RNGTT: variants seen among roughly 807,000 people sequenced by gnomAD.
The protein encoded by RNGTT is RNA guanylyltransferase and 5'-phosphatase.
Under a neutral mutation model 79.3 loss-of-function variants are expected in RNGTT, and 33 were observed. The observed-to-expected ratio is 0.42, with a 90% CI of 0.32 to 0.56. RNGTT has a LOEUF of 0.56. Ranked by LOEUF, RNGTT falls within the 20% of genes least tolerant of loss-of-function variation. The pLI is 0.17. For missense variants in RNGTT, 497 were observed against 739.1 expected (o/e 0.67, Z 3.80); for synonymous variants, 222 against 235.9 (o/e 0.94, Z 0.54).
intron 14 of RNGTT, among the ~76,000 whole-genome samples, chr6:88,620,513 C>G (rs529551798): frequency 6.6e-6 from 1 of 152,152 alleles, no homozygotes; most frequent in Admixed American, 6.5e-5. Context: ...TCCAAACTTT[C>G]AACATATGCA....
chr6:88,928,349 T>G (rs1030374888), intron 4 of RNGTT, among the ~76,000 whole-genome samples: 1 of 152,232 alleles, frequency 6.6e-6, no homozygotes. Context: ...AAAGTCATTT[T>G]CAGTAACTGC....
intron 8 of RNGTT, among the ~76,000 whole-genome samples, chr6:88,878,076 G>GTTTGTTTA (rs569605528): frequency 6.6e-5 from 10 of 150,470 alleles, no homozygotes; most frequent in Middle Eastern, 3.2e-3. Flanking sequence ...AATTTCATTT[G>GTTTGTTTA]TTTATTTATT....
At chr6:88,930,083 T>TGTATATGCATATGTATAC (rs1784461150) in intron 2 of RNGTT, among the ~76,000 whole-genome samples, 1 of 143,658 alleles carries the variant, frequency 7.0e-6, no homozygotes, top group Non-Finnish European at 1.5e-5. Flanking sequence ...TACATATACA[T>TGTATATGCATATGTATAC]ATATACATAT....
At chr6:88,645,956 G>A (rs370978718) in intron 14 of RNGTT, among the ~76,000 whole-genome samples, 2 of 152,156 alleles carry the variant, frequency 1.3e-5, no homozygotes, top group Admixed American at 6.5e-5. Context: ...AGGACTTCAC[G>A]TCTAAAACAC....
chr6:88,829,475 C>T (rs1780780631), intron 11 of RNGTT, among the ~76,000 whole-genome samples: 1 of 151,954 alleles, frequency 6.6e-6, no homozygotes, highest in Non-Finnish European at 1.5e-5. Flanking sequence ...AACTAATGGG[C>T]AAAATAACCA....
intron 13 of RNGTT, among the ~76,000 whole-genome samples, chr6:88,757,451 CTT>C (rs1778058900): frequency 6.6e-6 from 1 of 152,042 alleles, no homozygotes; most frequent in Admixed American, 6.5e-5. Context: ...GCAAAGCAAA[CTT>C]AATTATAATG....
At chr6:88,702,273 G>T (rs563364540) in intron 13 of RNGTT, among the ~76,000 whole-genome samples, 364 of 152,098 alleles carry the variant, frequency 2.4e-3, no homozygotes, top group African/African-American at 8.4e-3. Context: ...CTAGGCAAAA[G>T]AACAAAGATG....
chr6:88,738,839 TACAC>T (rs200498670), intron 13 of RNGTT, among the ~76,000 whole-genome samples: 3,564 of 142,558 alleles, frequency 0.025, 116 homozygotes, highest in African/African-American at 0.084. Flanking sequence ...ATAAATAAAA[TACAC>T]ACACACACAC....
intron 13 of RNGTT, among the ~76,000 whole-genome samples, chr6:88,767,266 A>AT (rs1299852765): frequency 6.6e-6 from 1 of 152,088 alleles, no homozygotes; most frequent in African/African-American, 2.4e-5. Flanking sequence ...AAGTAATTCC[A>AT]TTTTTTAGGA....
chr6:88,841,838 GA>G (rs751116710), intron 11 of RNGTT, among the ~76,000 whole-genome samples: 24 of 152,168 alleles, frequency 1.6e-4, no homozygotes, highest in African/African-American at 5.8e-4. Context: ...GGCTTCTTAG[GA>G]AATAGCCAGC....
chr6:88,669,714 T>TG (rs1311000783), intron 14 of RNGTT, among the ~76,000 whole-genome samples: 1 of 152,230 alleles, frequency 6.6e-6, no homozygotes, highest in Non-Finnish European at 1.5e-5. Context: ...ACCTGATCAA[T>TG]GGGCAGGCAG....
At chr6:88,834,483 T>A (rs982368246) in intron 11 of RNGTT, among the ~76,000 whole-genome samples, 3 of 152,228 alleles carry the variant, frequency 2.0e-5, no homozygotes, top group Non-Finnish European at 4.4e-5. Flanking sequence ...TCATTTTATC[T>A]TGCATCTGCT....
intron 13 of RNGTT, among the ~76,000 whole-genome samples, chr6:88,685,606 A>T (rs576030964): frequency 2.0e-5 from 3 of 151,976 alleles, no homozygotes; most frequent in Non-Finnish European, 4.4e-5. Flanking sequence ...AAAAGAAGCA[A>T]AGAAAACCAT....
intron 11 of RNGTT, among the ~76,000 whole-genome samples, chr6:88,811,340 T>G (rs1335381352): frequency 6.6e-6 from 1 of 152,210 alleles, no homozygotes; most frequent in Non-Finnish European, 1.5e-5. Flanking sequence ...AAACTTAAAT[T>G]TGCTTACTTA....
chr6:88,684,801 T>C (rs1775216415), intron 13 of RNGTT, among the ~76,000 whole-genome samples: 1 of 152,050 alleles, frequency 6.6e-6, no homozygotes, highest in Non-Finnish European at 1.5e-5. Context: ...CATGTCAACA[T>C]AGGTTCATCA....
At chr6:88,852,989 A>G (rs143985362) in intron 9 of RNGTT, among the ~76,000 whole-genome samples, 2 of 152,344 alleles carry the variant, frequency 1.3e-5, no homozygotes, top group Admixed American at 6.5e-5. Context: ...CACATGTAAC[A>G]TATGTTTCTC....
intron 8 of RNGTT, among the ~76,000 whole-genome samples, chr6:88,888,899 C>T (rs543648897): frequency 1.4e-4 from 21 of 152,258 alleles, no homozygotes; most frequent in African/African-American, 4.6e-4. Flanking sequence ...TGTGGTGGCA[C>T]ATGCCATAAA....
intron 11 of RNGTT, among the ~76,000 whole-genome samples, chr6:88,836,023 C>CACACAT (rs1554222128): frequency 1.2e-4 from 11 of 92,074 alleles, no homozygotes; most frequent in East Asian, 8.8e-4. Flanking sequence ...CACACACACA[C>CACACAT]ATATATATAT....
At chr6:88,895,116 G>T (rs1783190340) in intron 6 of RNGTT, among the ~76,000 whole-genome samples, 2 of 151,952 alleles carry the variant, frequency 1.3e-5, no homozygotes, top group South Asian at 4.1e-4. Context: ...AACAGAGTCA[G>T]CTAGCCTTAA....
Sources: allele counts gnomAD v4.1 joint callset (sites outside exome capture counted in the v4.1 genomes callset), GRCh38; gene constraint gnomAD v4.1.1; transcripts MANE v1.5; gene names NCBI Gene and HGNC (gene_info 2026-07-23, HGNC 2026-07-21).